The following TTLL11 variants were observed in gnomAD, a reference collection of about 807,000 sequenced individuals.
TTLL11 encodes the protein tubulin polyglutamylase TTLL11.
Under a neutral mutation model 51.7 loss-of-function variants are expected in TTLL11, and 42 were observed. That is an observed-to-expected ratio of 0.81 (90% CI 0.64 to 1.05). The LOEUF (loss-of-function observed/expected upper bound fraction) is 1.05, where lower values mean the gene tolerates loss of function less well. TTLL11 is among the 50% of genes least tolerant of loss of function. TTLL11 has a pLI of 0.00. For missense variants in TTLL11, 799 were observed against 940.4 expected, an observed-to-expected ratio of 0.85 and a Z score of 1.97; for synonymous variants, 381 against 383.5, an observed-to-expected ratio of 0.99 and a Z score of 0.08.
At chr9:121,998,860 G>A (rs7861412) in intron 3 of TTLL11, among the ~76,000 whole-genome samples, 2 of 151,880 alleles carry the variant, frequency 1.3e-5, no homozygotes, top group South Asian at 4.2e-4. Flanking sequence ...GGCTAGTCTC[G>A]AACTCCTGAG....
chr9:122,067,329 T>C (rs1329586837), intron 1 of TTLL11, among the ~76,000 whole-genome samples: 1 of 152,236 alleles, frequency 6.6e-6, no homozygotes, highest in Non-Finnish European at 1.5e-5. Context: ...GGCACTTTGT[T>C]TCTATTACGG....
At chr9:121,883,876 G>GAATC (rs1838893147) in intron 6 of TTLL11, among the ~76,000 whole-genome samples, 1 of 152,190 alleles carries the variant, frequency 6.6e-6, no homozygotes, top group Admixed American at 6.5e-5. Context: ...CAGGGAGGAT[G>GAATC]AATCACGCAG....
chr9:122,075,255 T>G lies in TTLL11; in HGVS notation c.462+17432A>C, dbSNP rs1470212572. The stretch of plus-strand genomic sequence containing the variant: ...CCCTTTTTCTAATTCACACAAAACA[T>G]GATGGGCGAGTAGGGATCACAGGGA... On this transcript the variant is annotated intron_variant, in intron 1 of 8. Transcript: ENST00000321582. Among the ~76,000 whole-genome samples, 12 of 152,338 alleles carry G rather than the reference T, an allele frequency of 7.9e-5. No individual in the cohort carries two copies. The East Asian group carries it at 2.3e-3, about 29-fold the overall frequency.
At chr9:122,044,620 C>G (rs1226517267) in intron 1 of TTLL11, among the ~76,000 whole-genome samples, 1 of 152,208 alleles carries the variant, frequency 6.6e-6, no homozygotes, top group Non-Finnish European at 1.5e-5. Context: ...TGATGATGAG[C>G]AGAATATATT....
chr9:121,900,542 G>A (rs1839735752), intron 6 of TTLL11, among the ~76,000 whole-genome samples: 1 of 152,100 alleles, frequency 6.6e-6, no homozygotes. Flanking sequence ...ATTCTCATTG[G>A]AAAATTCTCA....
chr9:122,001,280 G>A (rs895713459), intron 3 of TTLL11, among the ~76,000 whole-genome samples: 2 of 152,122 alleles, frequency 1.3e-5, no homozygotes, highest in African/African-American at 4.8e-5. Flanking sequence ...ATTTTTAGTA[G>A]AGACGGGGTT....
chr9:121,906,934 A>G (rs1839968298), intron 6 of TTLL11, among the ~76,000 whole-genome samples: 1 of 152,116 alleles, frequency 6.6e-6, no homozygotes, highest in African/African-American at 2.4e-5. Flanking sequence ...TTGGCCGGGC[A>G]CGGTGGCTCA....
chr9:121,974,893 A>G lies in TTLL11; in HGVS notation c.1356T>C (p.His452=). Reference sequence around the variant, plus strand: ...TGCTCAAAATACTTACTTCGTGCTCATGTTCGATTCTCATACTGGGATTTG... The same window carrying G: ...TGCTCAAAATACTTACTTCGTGCTCGTGTTCGATTCTCATACTGGGATTTG... ...VNANPSMRIE[H]EHELSPGVFE... is the part of the protein sequence containing the mutation. The change falls in exon 5 of 9, where the codon CAT becomes CAC. Residue 452 remains histidine (H), a synonymous_variant. Coordinates refer to ENST00000321582, the MANE Select transcript of TTLL11 (RefSeq NM_001139442.2). The G allele has an allele frequency of 6.5e-7, 1 of 1,546,132 alleles. No homozygotes were observed. Among genetic ancestry groups the G allele is most frequent in the South Asian group, 1.2e-5 (1 of 82,516 alleles).
intron 6 of TTLL11, among the ~76,000 whole-genome samples, chr9:121,950,729 A>C (rs920600782): frequency 1.9e-4 from 29 of 152,208 alleles, no homozygotes; most frequent in African/African-American, 6.0e-4. Flanking sequence ...AATGCCAATG[A>C]CAGGAAAGCT....
intron 1 of TTLL11, among the ~76,000 whole-genome samples, chr9:122,088,920 T>C (rs1300844138): frequency 6.7e-6 from 1 of 149,972 alleles, no homozygotes; most frequent in Non-Finnish European, 1.5e-5. Context: ...GCAGGAGAAC[T>C]GCTTGAACCT....
chr9:121,872,656 C>T lies in TTLL11; in HGVS notation c.1482-1908G>A, dbSNP rs566563983. ...AGGAGCCAGCCTCTGGGAAAAACTC[C>T]CTTGTGTGAATAAAAAGTCCTGGAA... On this transcript the variant is annotated intron_variant, in intron 6 of 8. Coordinates refer to ENST00000321582, the MANE Select transcript of TTLL11 (RefSeq NM_001139442.2). Among the ~76,000 whole-genome samples, 184 of 152,298 alleles carry T rather than the reference C, an allele frequency of 1.2e-3. No homozygotes were observed. The South Asian group carries it at 0.019, about 16-fold the overall frequency.
intron 3 of TTLL11, among the ~76,000 whole-genome samples, chr9:122,012,680 A>G (rs1348203848): frequency 2.8e-4 from 36 of 127,938 alleles, no homozygotes; most frequent in Admixed American, 9.7e-4. Context: ...ACACACACGC[A>G]CACACACACA....
At chr9:122,039,003 T>C (rs1223013067) in intron 2 of TTLL11, among the ~76,000 whole-genome samples, 1 of 152,192 alleles carries the variant, frequency 6.6e-6, no homozygotes, top group Non-Finnish European at 1.5e-5. Context: ...CAGAATATAT[T>C]CCTCTCATTA....
intron 1 of TTLL11, among the ~76,000 whole-genome samples, chr9:122,059,520 T>C (rs540844672): frequency 6.6e-6 from 1 of 152,208 alleles, no homozygotes; most frequent in Admixed American, 6.5e-5. Flanking sequence ...TAGAGATGAA[T>C]GAGATGCAGC....
At chr9:121,882,597 C>G (rs1838840992) in intron 6 of TTLL11, among the ~76,000 whole-genome samples, 1 of 152,148 alleles carries the variant, frequency 6.6e-6, no homozygotes, top group Non-Finnish European at 1.5e-5. Flanking sequence ...GTAGGTGGTC[C>G]TCTAAGTCCC....
chr9:122,069,588 G>A (rs992562940), intron 1 of TTLL11, among the ~76,000 whole-genome samples: 3 of 152,110 alleles, frequency 2.0e-5, no homozygotes, highest in African/African-American at 4.8e-5. Flanking sequence ...AAGCTGAGGC[G>A]GGAGAATCGC....
At chr9:121,905,183 A>T (rs1408465849) in intron 6 of TTLL11, among the ~76,000 whole-genome samples, 1 of 152,198 alleles carries the variant, frequency 6.6e-6, no homozygotes, top group African/African-American at 2.4e-5. Context: ...TGAAAAATAT[A>T]GAACTATATA....
intron 6 of TTLL11, among the ~76,000 whole-genome samples, chr9:121,903,300 C>T (rs1358462136): frequency 6.6e-6 from 1 of 152,168 alleles, no homozygotes; most frequent in Non-Finnish European, 1.5e-5. Context: ...TTCCATCCTG[C>T]CGTACTGCTT....
intron 3 of TTLL11, among the ~76,000 whole-genome samples, chr9:122,024,493 G>C (rs1002745633): frequency 6.6e-6 from 1 of 152,066 alleles, no homozygotes; most frequent in Non-Finnish European, 1.5e-5. Context: ...CTTTGAAAAA[G>C]ATGAACAAAG....
Sources: allele counts gnomAD v4.1 joint callset (sites outside exome capture counted in the v4.1 genomes callset), GRCh38; gene constraint gnomAD v4.1.1; transcripts MANE v1.5; gene names NCBI Gene and HGNC (gene_info 2026-07-23, HGNC 2026-07-21).